Variants in BCAS3 observed in about 807,000 individuals in gnomAD.
BCAS3 encodes BCAS4/BCAS3 fusion.
A neutral mutation model predicts 116.1 loss-of-function variants in BCAS3; 53 were observed. That is an observed-to-expected ratio of 0.46 (90% CI 0.37 to 0.57). The LOEUF (loss-of-function observed/expected upper bound fraction) is 0.57. Among genes scored for constraint, BCAS3 ranks in the 20% least tolerant of loss-of-function variants. The pLI is 0.00. For synonymous variants in BCAS3, 391 were observed against 408.2 expected, an observed-to-expected ratio of 0.96 and a Z score of 0.51; for missense variants, 917 against 1,165.4, an observed-to-expected ratio of 0.79 and a Z score of 3.10.
Position 61,008,082 on chromosome 17 carries a change from T to C in BCAS3, c.1487-7669T>C, listed in dbSNP as rs1349118141. On this transcript the variant is annotated intron_variant, in intron 15 of 23. Coordinates refer to ENST00000407086, the MANE Select transcript of BCAS3 (RefSeq NM_017679.5). This position sits in a 1 kb window ranked among gnomAD's most constrained non-coding sequence, Gnocchi z 4.6. Reference sequence around the variant, plus strand: ...CACACACATAAAATTCATTTTCTTTTAGTGTGTGTTCTACTCTCCTTGGCT... The same window carrying C: ...CACACACATAAAATTCATTTTCTTTCAGTGTGTGTTCTACTCTCCTTGGCT... Among the ~76,000 whole-genome samples, 4 of 152,116 alleles carry C rather than the reference T, an allele frequency of 2.6e-5. No homozygotes were observed. Among genetic ancestry groups the C allele is most frequent in the African/African-American group, 9.7e-5 (4 of 41,422 alleles).
At chr17:60,744,857 A>C (rs2041899505) in intron 5 of BCAS3, among the ~76,000 whole-genome samples, 1 of 152,112 alleles carries the variant, frequency 6.6e-6, no homozygotes, top group Non-Finnish European at 1.5e-5. Flanking sequence ...TTTAAGATAC[A>C]AGCTTAGAAT....
intron 4 of BCAS3, among the ~76,000 whole-genome samples, chr17:60,701,536 G>A (rs2036386917): frequency 6.6e-6 from 1 of 152,060 alleles, no homozygotes; most frequent in Non-Finnish European, 1.5e-5. Flanking sequence ...TTGGAGATTT[G>A]TGTGACACTT....
At chr17:61,179,180 A>G (rs1396148527) in intron 22 of BCAS3, among the ~76,000 whole-genome samples, 5 of 152,092 alleles carry the variant, frequency 3.3e-5, no homozygotes, top group African/African-American at 9.7e-5. Flanking sequence ...ATTTTAATCA[A>G]ACTTGTTTTT....
In BCAS3 at chr17:61,122,642, T is replaced by C. The variant is rs2143816676; in HGVS notation, c.2425+38078T>C. Reference sequence around the variant, plus strand: ...GAACAAACATTATCTTGCTCCCATATGTTTTTGTAGGATCTTGAAAGGGAA... The same window carrying C: ...GAACAAACATTATCTTGCTCCCATACGTTTTTGTAGGATCTTGAAAGGGAA... On this transcript the variant is annotated intron_variant, in intron 22 of 23. Coordinates refer to ENST00000407086, the MANE Select transcript of BCAS3 (RefSeq NM_017679.5). The surrounding 1 kb of genome is among the most constrained non-coding windows in gnomAD (Gnocchi z 4.6). Among the ~76,000 whole-genome samples, 1 of 152,346 alleles carries C rather than the reference T, an allele frequency of 6.6e-6. No individual in the cohort carries two copies. The highest frequency in any genetic ancestry group is 1.5e-5 in the Non-Finnish European group (1 of 68,032).
intron 1 of BCAS3, among the ~76,000 whole-genome samples, chr17:60,678,402 A>G (rs1278189219): frequency 6.6e-6 from 1 of 152,176 alleles, no homozygotes; most frequent in Non-Finnish European, 1.5e-5. Flanking sequence ...GGTGCCTTCA[A>G]GATGAGTTCC....
intron 5 of BCAS3, among the ~76,000 whole-genome samples, chr17:60,735,724 G>A (rs896373210): frequency 2.6e-5 from 4 of 152,152 alleles, no homozygotes; most frequent in African/African-American, 9.7e-5. Context: ...AAAGTGCTGG[G>A]ATTACAGGTT....
At position 61,377,280 on chromosome 17, in the gene BCAS3, G is replaced by T. The variant is rs1327068928; in HGVS notation, c.2593+8786G>T. ...GCCCAGTCCCACCAGCAGGTCACAA[G>T]CATCCCTACTCGGGACAAGAGGGAG... On this transcript the variant is annotated intron_variant, in intron 23 of 23. Transcript: ENST00000407086. This position sits in a 1 kb window ranked among gnomAD's most constrained non-coding sequence, Gnocchi z 4.6. Among the ~76,000 whole-genome samples the T allele has an allele frequency of 6.6e-6, 1 of 152,230 alleles. No homozygotes were observed. The highest frequency in any genetic ancestry group is 2.4e-5 in the African/African-American group (1 of 41,456).
At chr17:61,086,884 T>C (rs9899415) in intron 22 of BCAS3, 202,710 of 984,952 alleles carry the variant, frequency 0.21, 32,035 homozygotes, top group African/African-American at 0.8. Flanking sequence ...GAGAAATATA[T>C]GTTAACGCAT....
rs1369028055 is a variant in BCAS3 at position 61,362,891 on chromosome 17, A to G, written c.2426-5436A>G. On this transcript the variant is annotated intron_variant, in intron 22 of 23. Transcript: ENST00000407086. The surrounding 1 kb of genome is among the most constrained non-coding windows in gnomAD (Gnocchi z 4.4). ...TCTTCTTCTTCCTTCCTCTCTTTTA[A>G]TTTTAACTCCACTTTCTGCCTACTC... 1 of 152,064 alleles carries G rather than the reference A, an allele frequency of 6.6e-6. No individual in the cohort carries two copies. The highest frequency in any genetic ancestry group is 1.5e-5 in the Non-Finnish European group (1 of 68,016). The allele number at this position is 152,064 out of a possible 1,614,324, so 9.4% of individuals were successfully genotyped here.
At chr17:60,824,271 T>G (rs535085250) in intron 7 of BCAS3, among the ~76,000 whole-genome samples, 1 of 152,284 alleles carries the variant, frequency 6.6e-6, no homozygotes, top group South Asian at 2.1e-4. Flanking sequence ...TGTGTTTTAG[T>G]TTTCTGTTTT....
At position 61,364,656 on chromosome 17, in the gene BCAS3, C is replaced by A. The variant is rs1212773004; in HGVS notation, c.2426-3671C>A. 6.6e-6 allele frequency among the ~76,000 whole-genome samples: 1 copy of A among 152,110 alleles called. No homozygotes were observed. The highest frequency in any genetic ancestry group is 2.4e-5 in the African/African-American group (1 of 41,416). ...CCAGGAGGCTGTGGCTGCAGTGAGC[C>A]GTGATTGCACCACTGCACTTTGGTC... On this transcript the variant is annotated intron_variant, in intron 22 of 23. Transcript: ENST00000407086. The surrounding 1 kb of genome is among the most constrained non-coding windows in gnomAD (Gnocchi z 5.4).
intron 22 of BCAS3, among the ~76,000 whole-genome samples, chr17:61,306,263 T>C (rs2053849615): frequency 6.6e-6 from 1 of 152,226 alleles, no homozygotes; most frequent in African/African-American, 2.4e-5. Context: ...AAAGATCCCA[T>C]GAGCTATTTG....
At chr17:61,216,516 G>GTTTATTTTATTTTATTTTATTTTAT (rs3032587) in intron 22 of BCAS3, among the ~76,000 whole-genome samples, 172 of 145,440 alleles carry the variant, frequency 1.2e-3, no homozygotes, top group Non-Finnish European at 2.0e-3. Flanking sequence ...ATAAGTATGT[G>GTTTATTTTATTTTATTTTATTTTAT]TTTATTTTAT....
rs1452491621 is a variant in BCAS3, at chr17:61,032,664, C to G, written c.1638-2002C>G. On this transcript the variant is annotated intron_variant, in intron 16 of 23. Coordinates refer to ENST00000407086, the MANE Select transcript of BCAS3 (RefSeq NM_017679.5). The surrounding 1 kb of genome is among the most constrained non-coding windows in gnomAD (Gnocchi z 4.6). ...ATAGGGCAGAGAAGAGTCTTCCTTT[C>G]TGGAGGTATGTTACTACAGTTGTGA... 6.6e-6 allele frequency among the ~76,000 whole-genome samples: 1 copy of G among 152,086 alleles called. No homozygotes were observed. Among genetic ancestry groups the G allele is most frequent in the African/African-American group, 2.4e-5 (1 of 41,414 alleles).
rs1400569495 is a variant in BCAS3, at chr17:61,141,028, A to G, written c.2425+56464A>G. Among the ~76,000 whole-genome samples, 2 of 151,940 alleles carry G rather than the reference A, an allele frequency of 1.3e-5. No individual in the cohort carries two copies. Among genetic ancestry groups the G allele is most frequent in the African/African-American group, 4.8e-5 (2 of 41,350 alleles). On this transcript the variant is annotated intron_variant, in intron 22 of 23. Coordinates refer to ENST00000407086, the MANE Select transcript of BCAS3 (RefSeq NM_017679.5). The surrounding 1 kb of genome is among the most constrained non-coding windows in gnomAD (Gnocchi z 4.3). ...ATCATTGCTACCACTTCTACTTTTC[A>G]TTATCATGTCTCTTTATCCTGATTC... is the stretch of plus-strand genomic sequence containing the variant.
chr17:60,686,396 A>C (rs540947520), intron 3 of BCAS3, among the ~76,000 whole-genome samples: 1 of 151,768 alleles, frequency 6.6e-6, no homozygotes, highest in Admixed American at 6.5e-5. Context: ...AAGAGAGAAC[A>C]TGTGTTGTTG....
At chr17:61,146,106 G>GTTTT (rs1293114440) in intron 22 of BCAS3, among the ~76,000 whole-genome samples, 2 of 29,934 alleles carry the variant, frequency 6.7e-5, no homozygotes, top group Admixed American at 6.1e-4. Flanking sequence ...TTACTTACTG[G>GTTTT]TTTTTTGTTT....
At chr17:61,175,710 A>G (rs2079093564) in intron 22 of BCAS3, among the ~76,000 whole-genome samples, 1 of 152,240 alleles carries the variant, frequency 6.6e-6, no homozygotes. Flanking sequence ...GGGAGAAAAT[A>G]TTAACGGAAG....
chr17:60,947,122 C>T, intron 13 of BCAS3, 97 bp from the exon 14 acceptor site: 19 of 1,223,776 alleles, frequency 1.6e-5, no homozygotes, highest in South Asian at 5.0e-5. Flanking sequence ...ATTTTTTTCC[C>T]ATTGGTAATA....
Sources: allele counts gnomAD v4.1 joint callset (sites outside exome capture counted in the v4.1 genomes callset), GRCh38; gene constraint gnomAD v4.1.1; non-coding constraint Gnocchi (gnomAD v3.1); transcripts MANE v1.5; gene names NCBI Gene and HGNC (gene_info 2026-07-23, HGNC 2026-07-21).